Variants in COPS8 observed in about 807,000 individuals in gnomAD.
The protein encoded by COPS8 is COP9 signalosome complex subunit 8.
COPS8 carries 11 observed loss-of-function variants against 31.5 expected under a neutral mutation model. The ratio of observed to expected loss-of-function variants is 0.35; its 90% CI spans 0.22 to 0.58. COPS8 has a LOEUF of 0.58. Ranked by LOEUF, COPS8 falls within the 20% of genes least tolerant of loss-of-function variation. The pLI, the probability that COPS8 is intolerant of heterozygous loss-of-function variation, is 0.83. For missense variants in COPS8, 215 were observed against 255.1 expected (o/e 0.84, Z 1.07); for synonymous variants, 81 against 89.3 (o/e 0.91, Z 0.52).
chr2:237,093,795 T>G, intron 4 of COPS8: 1 of 1,042,968 alleles, frequency 9.6e-7, no homozygotes, highest in African/African-American at 1.7e-5. Flanking sequence ...ATAAACATAC[T>G]GCATTTTCTT....
intron 5 of COPS8, among the ~76,000 whole-genome samples, chr2:237,095,523 T>G (rs1696784106): frequency 6.6e-6 from 1 of 152,222 alleles, no homozygotes; most frequent in African/African-American, 2.4e-5. Flanking sequence ...GTTTTCCTTC[T>G]GTTTGTTTTA....
chr2:237,087,560 A>G (rs572688108), intron 2 of COPS8: 1 of 266,974 alleles, frequency 3.7e-6, no homozygotes, highest in East Asian at 1.3e-4. Flanking sequence ...TTCGTTACAA[A>G]CATGTATGAG....
intron 5 of COPS8, among the ~76,000 whole-genome samples, chr2:237,094,794 G>A (rs1427232648): frequency 2.0e-5 from 3 of 151,936 alleles, no homozygotes; most frequent in Admixed American, 6.6e-5. Context: ...GTGAAAGCCC[G>A]TCTCTACTAA....
At chr2:237,087,240 A>G (rs370860786) in intron 2 of COPS8, 43 bp downstream of exon 2, 199 of 1,421,390 alleles carry the variant, frequency 1.4e-4, no homozygotes, top group Non-Finnish European at 1.9e-4. Context: ...AGGTTTCTCA[A>G]AGTTATATGG....
chr2:237,093,447 C>T lies in COPS8; in HGVS notation c.332-643C>T, dbSNP rs1283339506. Among the ~76,000 whole-genome samples the T allele has an allele frequency of 4.6e-5, 7 of 152,302 alleles. 1 individual carries two copies. The South Asian group carries it at 1.0e-3, about 23-fold the overall frequency. Reference sequence around the variant, plus strand: ...CTGGTTTCACAGTGCTCAACTCTACCGTACTCCTGAGTTTATTTAATTGGG... The same window carrying T: ...CTGGTTTCACAGTGCTCAACTCTACTGTACTCCTGAGTTTATTTAATTGGG... On this transcript the variant is annotated intron_variant, in intron 4 of 7. Coordinates refer to ENST00000354371, the MANE Select transcript of COPS8 (RefSeq NM_006710.5).
In COPS8 at chr2:237,094,022, T is replaced by C. The variant is rs1026894108; in HGVS notation, c.332-68T>C. On this transcript the variant is annotated intron_variant, in intron 4 of 7. Coordinates refer to ENST00000354371, the MANE Select transcript of COPS8 (RefSeq NM_006710.5). ...AAACTAGACAAGGACAGTGGTGTGA[T>C]TTAACAATGTGCTTTGAAAATGCTG... is the stretch of plus-strand genomic sequence containing the variant. The C allele has an allele frequency of 4.4e-6, 7 of 1,579,596 alleles. No homozygotes were observed. The African/African-American group carries it at 9.5e-5, about 21-fold the overall frequency.
intron 5 of COPS8, 66 bp from the exon 6 acceptor site, chr2:237,095,756 A>G: frequency 9.4e-7 from 1 of 1,063,184 alleles, no homozygotes; most frequent in South Asian, 1.3e-5. Flanking sequence ...AATGTCATGG[A>G]CAAGTTGTGG....
At chr2:237,094,907 A>C (rs1205497986) in intron 5 of COPS8, among the ~76,000 whole-genome samples, 1 of 152,200 alleles carries the variant, frequency 6.6e-6, no homozygotes, top group African/African-American at 2.4e-5. Flanking sequence ...TGGAGGTTGC[A>C]GTGAGCTGAG....
rs761872610 is a variant in COPS8 at position 237,087,128 on chromosome 2, C to G, written c.80C>G (p.Ala27Gly). Residue 27 changes from alanine to glycine, a missense_variant and splice_region_variant, in exon 2 of 8, where the codon GCC (alanine) becomes GGC (glycine). Ala to Gly is a moderately conservative substitution (Grantham distance 60, BLOSUM62 0). Coordinates refer to ENST00000354371, the MANE Select transcript of COPS8 (RefSeq NM_006710.5). Reference sequence around the variant, plus strand: ...TTGTTTTCATTTTTGGCCTTCTAGGCCCCTGGAGGAATTGCTACACCCCCA... The same window carrying G: ...TTGTTTTCATTTTTGGCCTTCTAGGGCCCTGGAGGAATTGCTACACCCCCA... ...LDQCENQELE[A>G]PGGIATPPVY... is the part of the protein sequence containing the mutation. The G allele has an allele frequency of 5.0e-6, 8 of 1,600,344 alleles. 1 individual carries two copies. The South Asian group carries it at 7.9e-5, about 16-fold the overall frequency.
chr2:237,087,105 G>C lies in COPS8; in HGVS notation c.79-22G>C, dbSNP rs200542445. 39 of 1,543,280 alleles carry C rather than the reference G, an allele frequency of 2.5e-5. No homozygotes were observed. The African/African-American group carries it at 3.5e-4, about 14-fold the overall frequency. The stretch of plus-strand genomic sequence containing the variant: ...TTAAAATTTTGTGTTGTTTTGTTTT[G>C]TTTTCATTTTTGGCCTTCTAGGCCC... On this transcript the variant is annotated intron_variant, in intron 1 of 7. Transcript: ENST00000354371.
At chr2:237,087,054 T>C in intron 1 of COPS8, 73 bp from the exon 2 acceptor site, 1 of 938,576 alleles carries the variant, frequency 1.1e-6, no homozygotes, top group Non-Finnish European at 1.6e-6. Flanking sequence ...ATTTTAAAAA[T>C]GAAAGTTAAA....
chr2:237,091,248 G>A (rs146321596), intron 4 of COPS8, among the ~76,000 whole-genome samples: 1 of 152,290 alleles, frequency 6.6e-6, no homozygotes, highest in African/African-American at 2.4e-5. Context: ...AGGCTATATA[G>A]CGTACCATGC....
At chr2:237,095,980 C>T (rs1393402820) in intron 6 of COPS8, 96 bp downstream of exon 6, 7 of 829,348 alleles carry the variant, frequency 8.4e-6, no homozygotes, top group East Asian at 5.0e-5. Flanking sequence ...ATGTAAAATT[C>T]GGCTATACTA....
At position 237,098,204 on chromosome 2, in the gene COPS8, T is replaced by A. The variant is rs1337945722; in HGVS notation, c.*462T>A. On this transcript the variant is annotated 3_prime_UTR_variant, in exon 8 of 8. Transcript: ENST00000354371. ...GATTCACCCTCTTTGGAGAACATGC[T>A]CTCTTTTCACCCCCCACCTCCTGAG... 1 of 155,458 alleles carries A rather than the reference T, an allele frequency of 6.4e-6. No homozygotes were observed. Among genetic ancestry groups the A allele is most frequent in the African/African-American group, 2.4e-5 (1 of 41,478 alleles). 9.6% of individuals were successfully genotyped at this position (155,458 alleles called of 1,614,324 possible).
intron 7 of COPS8, 78 bp downstream of exon 7, chr2:237,096,947 G>T (rs912448549): frequency 3.1e-5 from 28 of 911,696 alleles, no homozygotes; most frequent in Non-Finnish European, 4.9e-5. Context: ...GTATATGTGT[G>T]TGTGAGTGTG....
chr2:237,090,008 G>C lies in COPS8; in HGVS notation c.331+14G>C. On this transcript the variant is annotated intron_variant, in intron 4 of 7. Transcript: ENST00000354371. ...AAGCACTTAGAGGTAGTGTTTCTTTGTGGTTAAAAATGAAATTAGATGAGA... is the reference window on the plus strand; with the variant it reads ...AAGCACTTAGAGGTAGTGTTTCTTTCTGGTTAAAAATGAAATTAGATGAGA... The C allele has an allele frequency of 6.2e-7, 1 of 1,612,790 alleles. No homozygotes were observed. Among genetic ancestry groups the C allele is most frequent in the Non-Finnish European group, 8.5e-7 (1 of 1,179,438 alleles).
chr2:237,091,406 A>G (rs1159129368), intron 4 of COPS8, among the ~76,000 whole-genome samples: 1 of 152,232 alleles, frequency 6.6e-6, no homozygotes, highest in Non-Finnish European at 1.5e-5. Flanking sequence ...TTAATATATA[A>G]ACATGTACCT....
At position 237,097,925 on chromosome 2, in the gene COPS8, A is replaced by G. The variant is rs1416718927; in HGVS notation, c.*183A>G. On this transcript the variant is annotated 3_prime_UTR_variant, in exon 8 of 8. Coordinates refer to ENST00000354371, the MANE Select transcript of COPS8 (RefSeq NM_006710.5). The stretch of plus-strand genomic sequence containing the variant: ...ATTTTGTCCATAAACGTTATGCTGA[A>G]TAGTTGTTGAAACAGTTCTCATTTT... 6.3e-6 allele frequency: 3 copies of G among 475,528 alleles called. No homozygotes were observed. The highest frequency in any genetic ancestry group is 1.1e-5 in the Non-Finnish European group (3 of 266,910). The allele number at this position is 475,528 out of a possible 1,614,324, so 29.5% of individuals were successfully genotyped here.
chr2:237,100,303 C>G lies in COPS8; in HGVS notation c.*2561C>G, dbSNP rs1696871579. 6.6e-6 allele frequency: 1 copy of G among 152,148 alleles called. No individual in the cohort carries two copies. Among genetic ancestry groups the G allele is most frequent in the African/African-American group, 2.4e-5 (1 of 41,432 alleles). The allele number at this position is 152,148 out of a possible 1,614,324, so 9.4% of individuals were successfully genotyped here. On this transcript the variant is annotated 3_prime_UTR_variant, in exon 8 of 8. Coordinates refer to ENST00000354371, the MANE Select transcript of COPS8 (RefSeq NM_006710.5). ...TATTTCTGAGCCAGCCATCTGTGTA[C>G]AAGTGTAGCCTGACAGCACCCTGTT...
Sources: gnomAD v4.1 joint callset for allele counts (sites outside exome capture counted in the v4.1 genomes callset) on GRCh38, gnomAD v4.1.1 for gene constraint, MANE v1.5 for transcripts, NCBI Gene and HGNC (gene_info 2026-07-23, HGNC 2026-07-21) for gene names.